MBNL2: variants seen among roughly 807,000 people sequenced by gnomAD.
MBNL2 encodes the protein muscleblind like splicing regulator 2.
A neutral mutation model predicts 41.9 loss-of-function variants in MBNL2; 17 were observed. The ratio of observed to expected loss-of-function variants is 0.41; its 90% confidence interval spans 0.28 to 0.61. MBNL2 has a LOEUF of 0.61. Ranked by LOEUF, MBNL2 falls within the 20% of genes least tolerant of loss-of-function variation. The pLI is 0.35. For missense variants in MBNL2, 336 were observed against 505.6 expected, an observed-to-expected ratio of 0.66 and a Z score of 3.22; for synonymous variants, 195 against 182.9, an observed-to-expected ratio of 1.07 and a Z score of -0.53.
chr13:97,158,187 G>T, the MBNL2 span, among the ~76,000 whole-genome samples: 1 of 151,986 alleles, frequency 6.6e-6, no homozygotes, highest in South Asian at 2.1e-4. Context: ...TTGCGTAGAG[G>T]TGTTTGTAGT....
chr13:97,216,656 A>G (rs112059315), upstream of MBNL2, among the ~76,000 whole-genome samples: 1 of 152,218 alleles, frequency 6.6e-6, no homozygotes, highest in African/African-American at 2.4e-5. Context: ...TCAAAGGGAG[A>G]CTCTGTTTCT....
At chr13:97,218,733 AAAG>A (rs1447783074), upstream of MBNL2, among the ~76,000 whole-genome samples, 3 of 152,096 alleles carry the variant, frequency 2.0e-5, no homozygotes, top group Admixed American at 2.0e-4. Flanking sequence ...AAAAATAAGG[AAAG>A]AAGAAGGAGG....
the MBNL2 span, among the ~76,000 whole-genome samples, chr13:97,147,946 G>C: frequency 2.0e-5 from 3 of 152,116 alleles, no homozygotes; most frequent in Admixed American, 6.6e-5. Context: ...CTGGCTCCTG[G>C]CAGCAAAGGG....
At chr13:97,166,619 CA>C in the MBNL2 span, among the ~76,000 whole-genome samples, 1 of 152,090 alleles carries the variant, frequency 6.6e-6, no homozygotes, top group Admixed American at 6.5e-5. Flanking sequence ...CCTAGCCTCT[CA>C]GCCTACACCT....
chr13:97,166,518 T>C, the MBNL2 span, among the ~76,000 whole-genome samples: 1 of 152,072 alleles, frequency 6.6e-6, no homozygotes, highest in Non-Finnish European at 1.5e-5. Context: ...GAAAGGCAGA[T>C]TCACCCTTAA....
chr13:97,277,198 G>T (rs958824346), intron 2 of MBNL2, among the ~76,000 whole-genome samples: 1 of 152,184 alleles, frequency 6.6e-6, no homozygotes, highest in Non-Finnish European at 1.5e-5. Flanking sequence ...AGGATGGAGA[G>T]AATTTAATGA....
intron 2 of MBNL2, among the ~76,000 whole-genome samples, chr13:97,304,683 A>T (rs2057959926): frequency 6.6e-6 from 1 of 152,228 alleles, no homozygotes; most frequent in Non-Finnish European, 1.5e-5. Flanking sequence ...TGCTTAGCTC[A>T]TAGAATTGTT....
At chr13:97,307,865 T>C (rs1382515381) in intron 2 of MBNL2, among the ~76,000 whole-genome samples, 3 of 152,234 alleles carry the variant, frequency 2.0e-5, no homozygotes, top group Admixed American at 6.5e-5. Context: ...GATCGTATTT[T>C]CTGCTCCCTC....
rs2060616263 is a variant in MBNL2 at position 97,333,730 on chromosome 13, ATAAT to A, written c.175-543_175-540del. 2.6e-5 allele frequency among the ~76,000 whole-genome samples: 4 copies of A among 152,308 alleles called. No homozygotes were observed. The South Asian group carries it at 8.3e-4, about 32-fold the overall frequency. Reference sequence around the variant, plus strand: ...ACTCTCTACTCCACAAATTTGTTACATAATTATTCATATTTGGACATCACTCTAG... The same window carrying A: ...ACTCTCTACTCCACAAATTTGTTACATATTCATATTTGGACATCACTCTAG... On this transcript the variant is annotated intron_variant, in intron 2 of 8. Transcript: ENST00000679496.
intron 3 of MBNL2, among the ~76,000 whole-genome samples, chr13:97,338,723 G>A (rs1230706695): frequency 6.6e-6 from 1 of 152,214 alleles, no homozygotes; most frequent in Admixed American, 6.5e-5. Context: ...GGAGGTGGAA[G>A]AACCACGAGG....
the MBNL2 span, among the ~76,000 whole-genome samples, chr13:97,176,999 C>T: frequency 0.096 from 14,519 of 152,000 alleles, 756 homozygotes; most frequent in South Asian, 0.17. Flanking sequence ...GAAATGGATA[C>T]GAAGCAAGGT....
Position 97,276,094 on chromosome 13 carries a change from T to C in MBNL2, c.-142T>C. 2 of 632,206 alleles carry C rather than the reference T, an allele frequency of 3.2e-6. No homozygotes were observed. Among genetic ancestry groups the C allele is most frequent in the Non-Finnish European group, 5.6e-6 (2 of 357,418 alleles). The allele number at this position is 632,206 out of a possible 1,614,324, so 39.2% of individuals were successfully genotyped here. A position where few individuals can be genotyped will look rare whatever the true frequency, so the allele number is the denominator to read the frequency against. On this transcript the variant is annotated 5_prime_UTR_variant, in exon 2 of 9. Transcript: ENST00000679496. The stretch of plus-strand genomic sequence containing the variant: ...TACACTCTCTCATCATCCTGTTCCT[T>C]GGATTGGACTTCACTAAGCAATTTA...
intron 5 of MBNL2, among the ~76,000 whole-genome samples, chr13:97,351,680 C>T (rs2062473878): frequency 6.6e-6 from 1 of 152,178 alleles, no homozygotes; most frequent in Non-Finnish European, 1.5e-5. Flanking sequence ...TTGTAGCTTC[C>T]TGTCTCCTTT....
chr13:97,274,798 C>T (rs1447611398), intron 1 of MBNL2, among the ~76,000 whole-genome samples: 1 of 152,176 alleles, frequency 6.6e-6, no homozygotes, highest in Non-Finnish European at 1.5e-5. Flanking sequence ...TTATTTTAGA[C>T]ATCTGAACTT....
chr13:97,345,607 T>C (rs187106018), intron 4 of MBNL2, among the ~76,000 whole-genome samples: 1 of 152,316 alleles, frequency 6.6e-6, no homozygotes, highest in African/African-American at 2.4e-5. Context: ...TTGTCTTTTT[T>C]TTCTTTTCTG....
At chr13:97,166,789 TAGATA>T in the MBNL2 span, among the ~76,000 whole-genome samples, 1 of 71,082 alleles carries the variant, frequency 1.4e-5, no homozygotes, top group Non-Finnish European at 3.1e-5. Context: ...CCTTGATAGA[TAGATA>T]GATAGATAGA....
the MBNL2 span, among the ~76,000 whole-genome samples, chr13:97,162,228 T>G: frequency 6.6e-6 from 1 of 151,858 alleles, no homozygotes; most frequent in Non-Finnish European, 1.5e-5. Context: ...CCTCCAACAT[T>G]GGGGATTACA....
chr13:97,304,809 A>C (rs1436982905), intron 2 of MBNL2, among the ~76,000 whole-genome samples: 1 of 152,248 alleles, frequency 6.6e-6, no homozygotes, highest in Non-Finnish European at 1.5e-5. Context: ...TTACATAAAC[A>C]AAATGCATTA....
At chr13:97,358,555 C>T (rs2063164090) in intron 7 of MBNL2, among the ~76,000 whole-genome samples, 1 of 152,132 alleles carries the variant, frequency 6.6e-6, no homozygotes, top group Non-Finnish European at 1.5e-5. Context: ...TGTCATCCCT[C>T]CCCCATTTGC....
Sources: allele counts gnomAD v4.1 joint callset (sites outside exome capture counted in the v4.1 genomes callset), GRCh38; gene constraint gnomAD v4.1.1; transcripts MANE v1.5; gene names NCBI Gene and HGNC (gene_info 2026-07-23, HGNC 2026-07-21).